The following FAM90A1 variants were observed in gnomAD, a reference collection of about 807,000 sequenced individuals.
FAM90A1 encodes the protein protein FAM90A1.
In FAM90A1, 10 loss-of-function variants were observed where a neutral mutation model predicts 14.8. The observed-to-expected ratio is 0.67, with a 90% CI of 0.42 to 1.14. The LOEUF is 1.14. FAM90A1 is among the 50% of genes most tolerant of loss of function. The probability of loss-of-function intolerance (pLI) is 0.00; values close to 1 mark genes in which losing one functional copy is unlikely to be tolerated. For missense variants in FAM90A1, 567 were observed against 602.8 expected (o/e 0.94, Z 0.62); for synonymous variants, 236 against 248.4 (o/e 0.95, Z 0.47).
intron 5 of FAM90A1, 133 bp from the exon 6 acceptor site, chr12:8,223,690 C>T (rs546343976): frequency 2.9e-5 from 20 of 689,744 alleles, no homozygotes; most frequent in Middle Eastern, 3.9e-4. Flanking sequence ...TCCGCCTCTG[C>T]ACCTTCCCTC....
At position 8,224,207 on chromosome 12, in the gene FAM90A1, G is replaced by A; in HGVS notation, c.132C>T (p.Cys44=). The part of the protein sequence containing the change: ...PPDEEDPRLK[C]KNCEAFGHTA... ...TGTGGCCAAAGGCCTCACAGTTTTTGCACTTGAGCTGTGGGTGGAAAGGAA... is the reference window on the plus strand; with the variant it reads ...TGTGGCCAAAGGCCTCACAGTTTTTACACTTGAGCTGTGGGTGGAAAGGAA... Residue 44 remains cysteine (C), a synonymous_variant, in exon 5 of 7, where the codon TGC becomes TGT. Coordinates refer to ENST00000538603, the MANE Select transcript of FAM90A1 (RefSeq NM_018088.3). The A allele has an allele frequency of 6.2e-7, 1 of 1,611,838 alleles. No individual in the cohort carries two copies. Among genetic ancestry groups the A allele is most frequent in the Non-Finnish European group, 8.5e-7 (1 of 1,179,746 alleles).
chr12:8,222,550 G>A lies in FAM90A1; in HGVS notation c.667C>T (p.Leu223Phe). Residue 223 changes from leucine to phenylalanine, a missense_variant, in exon 7 of 7, where the codon CTC becomes TTC. Leu to Phe is a conservative substitution (Grantham distance 22). Transcript: ENST00000538603. The stretch of plus-strand genomic sequence containing the variant: ...CTGTGTGTCGGCTTCACCACGAGGA[G>A]AGGCTCGGGGCCCTGGTGCCTGACT... ...TAVRHQGPEPLLVVKPTHSSP... is the reference protein window; with the variant it reads ...TAVRHQGPEPFLVVKPTHSSP... The A allele has an allele frequency of 6.2e-7, 1 of 1,612,048 alleles. No homozygotes were observed. The highest frequency in any genetic ancestry group is 2.2e-5 in the East Asian group (1 of 44,882).
In FAM90A1 at chr12:8,221,930, A is replaced by G. The variant is rs778308345; in HGVS notation, c.1287T>C (p.His429=). The G allele has an allele frequency of 3.1e-6, 5 of 1,596,508 alleles. No individual in the cohort carries two copies. The Admixed American group carries it at 5.0e-5, about 16-fold the overall frequency. ...AGGGACCCTCAGACTTCTCTGAGACATGAGGGCTCTGAGCGAGGAAGGCTC... is the reference window on the plus strand; with the variant it reads ...AGGGACCCTCAGACTTCTCTGAGACGTGAGGGCTCTGAGCGAGGAAGGCTC... The part of the protein sequence containing the change: ...KPGAFLAQSP[H]VSEKSEGPCV... Residue 429 remains histidine, a synonymous_variant, in exon 7 of 7, where the codon CAT becomes CAC. Transcript: ENST00000538603.
At chr12:8,225,758 C>T in intron 3 of FAM90A1, 78 bp downstream of exon 3, 1 of 152,164 alleles carries the variant, frequency 6.6e-6, no homozygotes, top group East Asian at 1.9e-4. Flanking sequence ...TGATCGCTTT[C>T]TTTCGGCCTC....
chr12:8,227,041 G>A (rs1327478590), intron 1 of FAM90A1, among the ~76,000 whole-genome samples: 2 of 152,118 alleles, frequency 1.3e-5, no homozygotes, highest in Non-Finnish European at 2.9e-5. Context: ...GACCTCAGGT[G>A]ATCCACCTGC....
At position 8,222,664 on chromosome 12, in the gene FAM90A1, G is replaced by A. The variant is rs1171067770; in HGVS notation, c.553C>T (p.Pro185Ser). The change falls in exon 7 of 7, where the codon CCC becomes TCC. Residue 185 changes from proline to serine, a missense_variant. By Grantham distance (74) the Pro-to-Ser change is moderately conservative (BLOSUM62 -1). Coordinates refer to ENST00000538603, the MANE Select transcript of FAM90A1 (RefSeq NM_018088.3). ...DRGSVLASLS[P>S]LRKASLSSSS... ...GAGCTCAGACTGGCTTTTCTGAGGGGAGACAGTGAAGCTAAGACGGAGCCC... is the reference window on the plus strand; with the variant it reads ...GAGCTCAGACTGGCTTTTCTGAGGGAAGACAGTGAAGCTAAGACGGAGCCC... 6.2e-7 allele frequency: 1 copy of A among 1,611,074 alleles called. No individual in the cohort carries two copies. Among genetic ancestry groups the A allele is most frequent in the Non-Finnish European group, 8.5e-7 (1 of 1,179,870 alleles).
chr12:8,222,870 A>C lies in FAM90A1; in HGVS notation c.433-86T>G, dbSNP rs1269064398. On this transcript the variant is annotated intron_variant, in intron 6 of 6. Coordinates refer to ENST00000538603, the MANE Select transcript of FAM90A1 (RefSeq NM_018088.3). ...AACCACATCCAAAGACAAGGTGCAC[A>C]CGCCATGAAATTCTTAGTACACTAT... 3 of 1,439,580 alleles carry C rather than the reference A, an allele frequency of 2.1e-6. No individual in the cohort carries two copies. In the East Asian group the frequency reaches 7.4e-5, roughly 36 times the overall value. 89.2% of individuals were successfully genotyped at this position (1,439,580 alleles called of 1,614,324 possible).
Position 8,224,184 on chromosome 12 carries a change from T to C in FAM90A1, c.155A>G (p.His52Arg). The C allele has an allele frequency of 6.2e-7, 1 of 1,612,046 alleles. No individual in the cohort carries two copies. The highest frequency in any genetic ancestry group is 8.5e-7 in the Non-Finnish European group (1 of 1,179,848). The change falls in exon 5 of 7, where the codon CAC (histidine) becomes CGC (arginine). Residue 52 changes from histidine to arginine, a missense_variant. His to Arg is a conservative substitution (Grantham distance 29). Transcript: ENST00000538603. ...GGGGCACCTGGTACTTCTGGCCGTG[T>C]GGCCAAAGGCCTCACAGTTTTTGCA... ...LKCKNCEAFG[H>R]TARSTRCPMK...
rs1416261791 is a variant in FAM90A1 at position 8,222,036 on chromosome 12, A to T, written c.1181T>A (p.Val394Glu). 5.0e-6 allele frequency: 8 copies of T among 1,603,216 alleles called. No individual in the cohort carries two copies. The Admixed American group carries it at 5.0e-5, about 10-fold the overall frequency. The change falls in exon 7 of 7, where the codon GTG becomes GAG. Residue 394 changes from valine to glutamate, a missense_variant. Transcript: ENST00000538603. ...TCCGTTTTCCAGTCTCCGAAAGAGC[A>T]CTCTGAGAGGCTGGGCCCCATCATG... ...ASHDGAQPLR[V>E]LFRRLENGRW... is the part of the protein sequence containing the mutation.
intron 4 of FAM90A1, among the ~76,000 whole-genome samples, 182 bp downstream of exon 4, chr12:8,224,528 C>T (rs1430818807): frequency 2.0e-5 from 3 of 152,240 alleles, no homozygotes; most frequent in Non-Finnish European, 2.9e-5. Context: ...AAGAGTCTCT[C>T]AAGGGGCCTA....
In FAM90A1 at chr12:8,224,643, G is replaced by C. The variant is rs1161309962; in HGVS notation, c.123+67C>G. The C allele has an allele frequency of 5.2e-6, 6 of 1,158,120 alleles. No homozygotes were observed. The East Asian group carries it at 1.0e-4, about 20-fold the overall frequency. 71.7% of individuals were successfully genotyped at this position (1,158,120 alleles called of 1,614,324 possible). On this transcript the variant is annotated intron_variant, in intron 4 of 6. Coordinates refer to ENST00000538603, the MANE Select transcript of FAM90A1 (RefSeq NM_018088.3). ...GAATCCAACCCAGTCTCTGAGGACC[G>C]TGTGACACCCCGTCCCCCCGCCCCC...
At chr12:8,223,891 C>T in intron 5 of FAM90A1, 125 bp downstream of exon 5, 1 of 1,027,690 alleles carries the variant, frequency 9.7e-7, no homozygotes, top group Non-Finnish European at 1.5e-6. Context: ...GAGCTCCGGT[C>T]TGTTTCTCTG....
Position 8,227,133 on chromosome 12 carries a change from T to G in FAM90A1, c.-421+347A>C, listed in dbSNP as rs1204708279. Among the ~76,000 whole-genome samples the G allele has an allele frequency of 2.6e-5, 4 of 152,212 alleles. No homozygotes were observed. The East Asian group carries it at 7.7e-4, about 29-fold the overall frequency. ...ATTGTTGCCTTAACCAAGCCTCTTT[T>G]AATTTTTCAAACGGAAGAGCCCCTG... On this transcript the variant is annotated intron_variant, in intron 1 of 6. Coordinates refer to ENST00000538603, the MANE Select transcript of FAM90A1 (RefSeq NM_018088.3).
At chr12:8,225,684 C>T (rs772711794) in intron 3 of FAM90A1, among the ~76,000 whole-genome samples, 152 bp downstream of exon 3, 7 of 152,182 alleles carry the variant, frequency 4.6e-5, no homozygotes, top group South Asian at 2.1e-4. Flanking sequence ...AATGCTTTCT[C>T]GTTTTCTGTT....
rs768602874 is a variant in FAM90A1, at chr12:8,222,505, G to A, written c.712C>T (p.Arg238Ter). 1.7e-5 allele frequency: 27 copies of A among 1,611,168 alleles called. No individual in the cohort carries two copies. The highest frequency in any genetic ancestry group is 2.2e-5 in the East Asian group (1 of 44,848). ...PTHSSPAGGC[R>*]EVPQAASKTH... The stretch of plus-strand genomic sequence containing the variant: ...TTGGAGGCAGCCTGGGGAACTTCTC[G>A]ACAGCCACCCGCAGGGCTGCTGTGT... The change falls in exon 7 of 7, where the codon CGA becomes TGA. Residue 238 changes from arginine to a stop codon, truncating the protein, a stop_gained. Transcript: ENST00000538603. LOFTEE classifies it low-confidence loss of function (END_TRUNC).
chr12:8,223,035 G>A (rs766115350), intron 6 of FAM90A1, among the ~76,000 whole-genome samples: 3 of 152,268 alleles, frequency 2.0e-5, no homozygotes, highest in Non-Finnish European at 4.4e-5. Flanking sequence ...TTAGGCATTA[G>A]CTGGATCAAA....
Position 8,222,505 on chromosome 12 carries a change from G to T in FAM90A1, c.712C>A (p.Arg238=). Residue 238 remains arginine (R), a synonymous_variant, in exon 7 of 7, where the codon CGA becomes AGA. Transcript: ENST00000538603. ...TTGGAGGCAGCCTGGGGAACTTCTC[G>T]ACAGCCACCCGCAGGGCTGCTGTGT... ...PTHSSPAGGC[R]EVPQAASKTH... is the part of the protein sequence containing the mutation. 1 of 1,611,168 alleles carries T rather than the reference G, an allele frequency of 6.2e-7. No homozygotes were observed. Among genetic ancestry groups the T allele is most frequent in the South Asian group, 1.1e-5 (1 of 90,938 alleles).
At position 8,224,117 on chromosome 12, in the gene FAM90A1, C is replaced by T. The variant is rs1168144496; in HGVS notation, c.222G>A (p.Gly74=). The T allele has an allele frequency of 1.2e-6, 2 of 1,612,072 alleles. No individual in the cohort carries two copies. Among genetic ancestry groups the T allele is most frequent in the Middle Eastern group, 2.3e-4 (1 of 4,430 alleles). Residue 74 remains glycine, a synonymous_variant, in exon 5 of 7, where the codon GGG becomes GGA. Transcript: ENST00000538603. ...WKAALVPPNF[G]EKEGKENLKP... Reference sequence around the variant, plus strand: ...TCAGGTTTTCCTTCCCTTCCTTTTCCCCAAAGTTCGGTGGAACCAGGGCTG... The same window carrying T: ...TCAGGTTTTCCTTCCCTTCCTTTTCTCCAAAGTTCGGTGGAACCAGGGCTG...
At position 8,222,057 on chromosome 12, in the gene FAM90A1, T is replaced by C. The variant is rs1389727306; in HGVS notation, c.1160A>G (p.Asp387Gly). 1.9e-6 allele frequency: 3 copies of C among 1,605,980 alleles called. No individual in the cohort carries two copies. The highest frequency in any genetic ancestry group is 1.7e-6 in the Non-Finnish European group (2 of 1,179,948). Residue 387 changes from aspartate to glycine, a missense_variant, in exon 7 of 7, where the codon GAT becomes GGT. Asp to Gly is a moderately conservative substitution (Grantham distance 94). Transcript: ENST00000538603. ...TMSHHPAASHDGAQPLRVLFR... is the reference protein window; with the variant it reads ...TMSHHPAASHGGAQPLRVLFR... ...GAGCACTCTGAGAGGCTGGGCCCCA[T>C]CATGGCTGGCCGCTGGGTGATGGGA...
Sources: gnomAD v4.1 joint callset for allele counts (sites outside exome capture counted in the v4.1 genomes callset) on GRCh38, gnomAD v4.1.1 for gene constraint, MANE v1.5 for transcripts, NCBI Gene and HGNC (gene_info 2026-07-23, HGNC 2026-07-21) for gene names.